The following GATM variants were observed in gnomAD, a reference collection of about 807,000 sequenced individuals.
GATM encodes the protein glycine amidinotransferase, mitochondrial.
A neutral mutation model predicts 54.2 loss-of-function variants in GATM; 23 were observed. The ratio of observed to expected loss-of-function variants is 0.42; its 90% CI spans 0.31 to 0.60. The LOEUF (loss-of-function observed/expected upper bound fraction) is 0.60. Ranked by LOEUF, GATM falls within the 20% of genes least tolerant of loss-of-function variation. GATM has a pLI of 0.14. For synonymous variants in GATM, 168 were observed against 183.1 expected (o/e 0.92, Z 0.67); for missense variants, 401 against 544.9 (o/e 0.74, Z 2.63).
intron 4 of GATM, among the ~76,000 whole-genome samples, chr15:45,367,519 G>A (rs562769445): frequency 6.6e-6 from 1 of 152,214 alleles, no homozygotes; most frequent in East Asian, 1.9e-4. Flanking sequence ...GATTGGGAGT[G>A]GCAAAACTAA....
At chr15:45,390,080 G>C (rs924040419) in intron 3 of GATM, among the ~76,000 whole-genome samples, 2 of 152,056 alleles carry the variant, frequency 1.3e-5, no homozygotes, top group Admixed American at 1.3e-4. Context: ...TCAAACTCCC[G>C]GGCTCAAGCG....
chr15:45,389,702 AC>A (rs375785241), intron 3 of GATM, among the ~76,000 whole-genome samples: 14 of 152,174 alleles, frequency 9.2e-5, no homozygotes, highest in African/African-American at 3.4e-4. Context: ...GAGTAGTGGT[AC>A]AGAAAGTCTC....
intron 3 of GATM, among the ~76,000 whole-genome samples, chr15:45,385,163 A>T (rs1191935718): frequency 6.6e-6 from 1 of 152,212 alleles, no homozygotes; most frequent in Non-Finnish European, 1.5e-5. Flanking sequence ...TGCCACGAAG[A>T]TGCCACTGTC....
intron 3 of GATM, among the ~76,000 whole-genome samples, chr15:45,389,589 G>A (rs1402457246): frequency 6.6e-6 from 1 of 152,070 alleles, no homozygotes; most frequent in African/African-American, 2.4e-5. Context: ...GACAGCAGGT[G>A]CATGCCACCA....
In GATM at chr15:45,368,758, G is replaced by T. The variant is rs149202028; in HGVS notation, c.485-498C>A. ...ATTGTTAACATGAATTGTGTGGTGG[G>T]GGGGAAGCCCAGAAAAAAAAGAAAA... On this transcript the variant is annotated intron_variant, in intron 3 of 8. Transcript: ENST00000396659. The surrounding 1 kb of genome is among the most constrained non-coding windows in gnomAD (Gnocchi z 5.1). Among the ~76,000 whole-genome samples, 528 of 150,764 alleles carry T rather than the reference G, an allele frequency of 3.5e-3. 4 individuals carry two copies. The highest frequency in any genetic ancestry group is 0.012 in the African/African-American group (482 of 40,972).
chr15:45,386,989 G>A (rs1433197814), intron 3 of GATM, among the ~76,000 whole-genome samples: 1 of 152,124 alleles, frequency 6.6e-6, no homozygotes, highest in Non-Finnish European at 1.5e-5. Context: ...TGTTTACCAT[G>A]CTATTCAGAA....
intron 8 of GATM, chr15:45,363,503 C>T (rs771436167): frequency 3.6e-5 from 9 of 252,062 alleles, no homozygotes; most frequent in East Asian, 8.8e-5. Flanking sequence ...CTTCTGCATC[C>T]GTACCCTTTT....
intron 3 of GATM, among the ~76,000 whole-genome samples, chr15:45,390,499 T>G (rs1889860230): frequency 6.6e-6 from 1 of 152,200 alleles, no homozygotes; most frequent in Non-Finnish European, 1.5e-5. Flanking sequence ...GGTATCCAGA[T>G]CACATCAAAA....
At chr15:45,369,126 C>T (rs541581881) in intron 3 of GATM, among the ~76,000 whole-genome samples, 200 bp downstream of exon 3, 16 of 152,266 alleles carry the variant, frequency 1.1e-4, no homozygotes, top group South Asian at 6.2e-4. Context: ...GGAGATTCCA[C>T]GAGATGGAAT....
At chr15:45,398,592 T>G (rs1889960674) in intron 2 of GATM, among the ~76,000 whole-genome samples, 1 of 152,256 alleles carries the variant, frequency 6.6e-6, no homozygotes, top group African/African-American at 2.4e-5. Flanking sequence ...ACATACTTTA[T>G]GAACACAGGT....
intron 2 of GATM, among the ~76,000 whole-genome samples, chr15:45,375,067 TTTTG>T (rs1327051910): frequency 2.6e-5 from 4 of 151,816 alleles, no homozygotes; most frequent in East Asian, 1.9e-4. Flanking sequence ...CACTAGGAGT[TTTTG>T]TTTGTTTGTT....
In GATM at chr15:45,387,446, GT is replaced by G. The variant is rs77558623; in HGVS notation, c.-319+9475del. Reference sequence around the variant, plus strand: ...AACAGTACTATTTCATGGTATTCCTGTTTTTTTTTTTTTATGTCCAAACCTT... The same window carrying G: ...AACAGTACTATTTCATGGTATTCCTGTTTTTTTTTTTTATGTCCAAACCTT... On this transcript the variant is annotated intron_variant, in intron 3 of 4. Transcript: ENST00000561148. 7.1e-3 allele frequency among the ~76,000 whole-genome samples: 1,033 copies of G among 145,178 alleles called. 10 individuals carry two copies. Among genetic ancestry groups the G allele is most frequent in the African/African-American group, 0.022 (884 of 39,848 alleles).
At chr15:45,384,145 T>G (rs1434060441) in intron 3 of GATM, among the ~76,000 whole-genome samples, 2 of 152,212 alleles carry the variant, frequency 1.3e-5, no homozygotes, top group Non-Finnish European at 2.9e-5. Flanking sequence ...CTCAGGAGAA[T>G]AGCTACTGCA....
Position 45,366,122 on chromosome 15 carries a change from G to C in GATM, c.902C>G (p.Pro301Arg). The change falls in exon 6 of 9, where the codon CCC becomes CGC. Residue 301 changes from proline (P) to arginine (R), a missense_variant. Coordinates refer to ENST00000396659, the MANE Select transcript of GATM (RefSeq NM_001482.3). ...VHIISFKDPNPMHIDATFNII... is the reference protein window; with the variant it reads ...VHIISFKDPNRMHIDATFNII... ...GTTGAAGGTAGCATCAATATGCATG[G>C]GATTGGGATCTTTAAAGGAGATGAT... 6.2e-7 allele frequency: 1 copy of C among 1,614,014 alleles called. No homozygotes were observed. The highest frequency in any genetic ancestry group is 8.5e-7 in the Non-Finnish European group (1 of 1,179,908).
At chr15:45,398,929 A>G (rs1889966245) in intron 2 of GATM, among the ~76,000 whole-genome samples, 1 of 152,184 alleles carries the variant, frequency 6.6e-6, no homozygotes, top group African/African-American at 2.4e-5. Flanking sequence ...TTGCATGATC[A>G]TTATCCTAAA....
intron 3 of GATM, among the ~76,000 whole-genome samples, chr15:45,391,965 G>A (rs2140678406): frequency 6.6e-6 from 1 of 152,300 alleles, no homozygotes; most frequent in South Asian, 2.1e-4. Flanking sequence ...TAAAGAGTGT[G>A]GGCTCTGGAA....
upstream of GATM, among the ~76,000 whole-genome samples, chr15:45,381,477 G>T (rs1031491499): frequency 6.6e-6 from 1 of 152,080 alleles, no homozygotes; most frequent in African/African-American, 2.4e-5. Context: ...AATGTGTCTT[G>T]AAATTAAAAA....
At chr15:45,381,370 G>C (rs967300043), upstream of GATM, among the ~76,000 whole-genome samples, 1 of 151,970 alleles carries the variant, frequency 6.6e-6, no homozygotes, top group African/African-American at 2.4e-5. Context: ...CCAGAAGCAT[G>C]GCAAAAATTC....
chr15:45,376,332 T>C (rs1354679939), intron 2 of GATM, among the ~76,000 whole-genome samples: 1 of 152,232 alleles, frequency 6.6e-6, no homozygotes, highest in Non-Finnish European at 1.5e-5. Context: ...TTACAGGCTG[T>C]GACGGAAGAA....
Sources: gnomAD v4.1 joint callset for allele counts (sites outside exome capture counted in the v4.1 genomes callset) on GRCh38, gnomAD v4.1.1 for gene constraint, Gnocchi (gnomAD v3.1) non-coding constraint, MANE v1.5 for transcripts, NCBI Gene and HGNC (gene_info 2026-07-23, HGNC 2026-07-21) for gene names.